CHRNA7: variants seen among roughly 807,000 people sequenced by gnomAD.
The protein encoded by CHRNA7 is cholinergic receptor nicotinic alpha 7 subunit.
Under a neutral mutation model 48.0 loss-of-function variants are expected in CHRNA7, and 17 were observed. The observed-to-expected ratio is 0.35, with a 90% CI of 0.24 to 0.53. The LOEUF is 0.53. Ranked by LOEUF, CHRNA7 falls within the 20% of genes least tolerant of loss-of-function variation. The pLI is 0.92. For missense variants in CHRNA7, 155 were observed against 577.7 expected (o/e 0.27, Z 7.50); for synonymous variants, 75 against 242.3 (o/e 0.31, Z 6.41).
At chr15:32,053,232 A>T (rs1170267762) in intron 2 of CHRNA7, among the ~76,000 whole-genome samples, 1 of 152,214 alleles carries the variant, frequency 6.6e-6, no homozygotes, top group Non-Finnish European at 1.5e-5. Context: ...CTACCACTGA[A>T]GATATTCCCT....
intron 4 of CHRNA7, among the ~76,000 whole-genome samples, chr15:32,140,326 G>A (rs1376587931): frequency 6.6e-6 from 1 of 152,142 alleles, no homozygotes; most frequent in Non-Finnish European, 1.5e-5. Flanking sequence ...TGTCATTGAT[G>A]GACATTTGGG....
At chr15:32,146,700 C>T (rs2051495678) in intron 4 of CHRNA7, among the ~76,000 whole-genome samples, 3 of 152,170 alleles carry the variant, frequency 2.0e-5, no homozygotes, top group Non-Finnish European at 4.4e-5. Context: ...TGAGTTGTAT[C>T]ACGTTTATGC....
At chr15:32,108,541 A>G (rs1389741551) in intron 3 of CHRNA7, among the ~76,000 whole-genome samples, 2 of 152,128 alleles carry the variant, frequency 1.3e-5, no homozygotes, top group Non-Finnish European at 2.9e-5. Flanking sequence ...GCCTTATTCC[A>G]TATCCATTCT....
chr15:32,049,119 T>A (rs1203364596), intron 2 of CHRNA7, among the ~76,000 whole-genome samples: 1 of 151,502 alleles, frequency 6.6e-6, no homozygotes, highest in Admixed American at 6.6e-5. Flanking sequence ...AAATGTATAT[T>A]CTGTTGATTT....
chr15:32,099,927 A>G (rs1566837975), intron 2 of CHRNA7: 2 of 152,162 alleles, frequency 1.3e-5, no homozygotes, highest in Admixed American at 6.5e-5. Flanking sequence ...TCTTGTGGAC[A>G]TTGCCTCTGG....
At chr15:32,062,148 C>T (rs2141205855) in intron 2 of CHRNA7, among the ~76,000 whole-genome samples, 1 of 152,142 alleles carries the variant, frequency 6.6e-6, no homozygotes, top group Non-Finnish European at 1.5e-5. Context: ...AAATAAAATG[C>T]TTATATTACC....
At chr15:32,058,934 A>G (rs2049831202) in intron 2 of CHRNA7, among the ~76,000 whole-genome samples, 1 of 152,188 alleles carries the variant, frequency 6.6e-6, no homozygotes, top group Non-Finnish European at 1.5e-5. Context: ...ATCATGTGAA[A>G]TGGTGTTCTT....
intron 3 of CHRNA7, among the ~76,000 whole-genome samples, chr15:32,107,981 C>T (rs927519286): frequency 6.6e-6 from 1 of 152,180 alleles, no homozygotes; most frequent in Non-Finnish European, 1.5e-5. Flanking sequence ...GCTTTGGAAG[C>T]TCTGTGCCAG....
At chr15:32,062,602 T>C (rs28639797) in intron 2 of CHRNA7, among the ~76,000 whole-genome samples, 25,863 of 152,028 alleles carry the variant, frequency 0.17, 2,959 homozygotes, top group African/African-American at 0.32. Context: ...GTTTCCTAGC[T>C]CTGTTCTGCA....
At chr15:32,151,371 G>C (rs958479115) in intron 4 of CHRNA7, among the ~76,000 whole-genome samples, 2 of 151,950 alleles carry the variant, frequency 1.3e-5, no homozygotes, top group Admixed American at 6.6e-5. Context: ...TCTTTCTCAG[G>C]TTTCACTCTC....
intron 2 of CHRNA7, chr15:32,099,561 A>G (rs1453898623): frequency 6.6e-6 from 1 of 152,244 alleles, no homozygotes; most frequent in African/African-American, 2.4e-5. Flanking sequence ...TGAGCTCCCA[A>G]ACCACAGAAG....
chr15:32,044,294 T>G (rs950919672), intron 2 of CHRNA7, among the ~76,000 whole-genome samples: 4 of 152,012 alleles, frequency 2.6e-5, no homozygotes, highest in African/African-American at 9.7e-5. Context: ...CTTCTTTTTT[T>G]GGGGATGGAG....
chr15:32,103,816 TC>T (rs1162796106), intron 3 of CHRNA7, among the ~76,000 whole-genome samples: 1 of 152,162 alleles, frequency 6.6e-6, no homozygotes, highest in African/African-American at 2.4e-5. Context: ...AAGCCATGGA[TC>T]CATTGGCTCA....
intron 4 of CHRNA7, among the ~76,000 whole-genome samples, chr15:32,117,046 A>G (rs1050061766): frequency 1.3e-5 from 2 of 152,156 alleles, no homozygotes; most frequent in East Asian, 3.9e-4. Context: ...CGTCTTAGGG[A>G]ACCTGGGGGA....
At chr15:32,121,906 G>A (rs185648104) in intron 4 of CHRNA7, among the ~76,000 whole-genome samples, 1 of 152,296 alleles carries the variant, frequency 6.6e-6, no homozygotes, top group Admixed American at 6.5e-5. Flanking sequence ...TCAGGTCAGG[G>A]ACTAGCTATA....
chr15:32,122,540 C>G (rs1382794386), intron 4 of CHRNA7, among the ~76,000 whole-genome samples: 2 of 152,010 alleles, frequency 1.3e-5, no homozygotes, highest in Non-Finnish European at 2.9e-5. Context: ...TTTATGGATC[C>G]TTTATGGCTT....
In CHRNA7 at chr15:32,123,012, G is replaced by T. The variant is rs187320111; in HGVS notation, c.350+11113G>T. 1.8e-3 allele frequency among the ~76,000 whole-genome samples: 268 copies of T among 152,170 alleles called. 2 individuals carry two copies. The Middle Eastern group carries it at 0.02, about 12-fold the overall frequency. On this transcript the variant is annotated intron_variant, in intron 4 of 9. Transcript: ENST00000306901. Reference sequence around the variant, plus strand: ...TGAACTGAACTTTCTGGGCAAAAATGAAAGCAGTTTTAAATATGTAAAGAC... The same window carrying T: ...TGAACTGAACTTTCTGGGCAAAAATTAAAGCAGTTTTAAATATGTAAAGAC...
At chr15:32,137,202 A>G (rs1482019099) in intron 4 of CHRNA7, among the ~76,000 whole-genome samples, 2 of 152,220 alleles carry the variant, frequency 1.3e-5, no homozygotes, top group Non-Finnish European at 1.5e-5. Context: ...TCTCCCCAAT[A>G]TATCTCTATG....
intron 4 of CHRNA7, among the ~76,000 whole-genome samples, chr15:32,129,009 A>G (rs1157131813): frequency 2.0e-5 from 3 of 151,928 alleles, no homozygotes; most frequent in Admixed American, 6.6e-5. Context: ...ATCAATTGAT[A>G]TAATCAGGTG....
Sources: gnomAD v4.1 joint callset for allele counts (sites outside exome capture counted in the v4.1 genomes callset) on GRCh38, gnomAD v4.1.1 for gene constraint, MANE v1.5 for transcripts, NCBI Gene and HGNC (gene_info 2026-07-23, HGNC 2026-07-21) for gene names.